The following KDM4C variants were observed in gnomAD, a reference collection of about 807,000 sequenced individuals.
KDM4C encodes lysine-specific demethylase 4C.
A neutral mutation model predicts 129.3 loss-of-function variants in KDM4C; 81 were observed. The observed-to-expected ratio is 0.63, with a 90% CI of 0.52 to 0.75. The LOEUF (loss-of-function observed/expected upper bound fraction) is 0.75. Ranked by LOEUF, KDM4C falls within the 30% of genes least tolerant of loss-of-function variation. KDM4C has a pLI of 0.00. For missense variants in KDM4C, 1,457 were observed against 1,304.0 expected (o/e 1.12, Z -1.81); for synonymous variants, 573 against 456.1 (o/e 1.26, Z -3.26).
intron 1 of KDM4C, among the ~76,000 whole-genome samples, chr9:6,748,480 C>G (rs542443560): frequency 2.0e-5 from 3 of 150,608 alleles, no homozygotes. Flanking sequence ...GCACTCCAGC[C>G]TGGGCAACAA....
At chr9:6,917,698 T>G (rs990711055) in intron 8 of KDM4C, among the ~76,000 whole-genome samples, 4 of 152,190 alleles carry the variant, frequency 2.6e-5, no homozygotes, top group Non-Finnish European at 5.9e-5. Context: ...CCATCCTCAT[T>G]CTTTGCTGAT....
At chr9:6,908,760 G>C (rs1214365772) in intron 8 of KDM4C, among the ~76,000 whole-genome samples, 1 of 152,120 alleles carries the variant, frequency 6.6e-6, no homozygotes. Context: ...GTCTGCCTGG[G>C]TTTGAATCCT....
Position 6,855,223 on chromosome 9 carries a change from G to A in KDM4C, c.629+5523G>A, listed in dbSNP as rs1287936625. On this transcript the variant is annotated intron_variant, in intron 5 of 21. Coordinates refer to ENST00000381309, the MANE Select transcript of KDM4C (RefSeq NM_015061.6). ...TGCCTGTAATCCCAGCACTTTGGGAGGCTGAGGCGGGCAGATCACGAGGTC... is the reference window on the plus strand; with the variant it reads ...TGCCTGTAATCCCAGCACTTTGGGAAGCTGAGGCGGGCAGATCACGAGGTC... Among the ~76,000 whole-genome samples, 4 of 152,144 alleles carry A rather than the reference G, an allele frequency of 2.6e-5. No individual in the cohort carries two copies. In the East Asian group the frequency reaches 5.8e-4, roughly 22 times the overall value.
chr9:7,011,774 G>T lies in KDM4C; in HGVS notation c.1863G>T (p.Trp621Cys). 1.2e-6 allele frequency: 2 copies of T among 1,614,100 alleles called. No individual in the cohort carries two copies. Among genetic ancestry groups the T allele is most frequent in the Non-Finnish European group, 1.7e-6 (2 of 1,179,986 alleles). Residue 621 changes from tryptophan (W) to cysteine (C), a missense_variant, in exon 13 of 22, where the codon TGG becomes TGT. Transcript: ENST00000381309. ...ESWAKPLIHLWQTKSPNFAAE... is the reference protein window; with the variant it reads ...ESWAKPLIHLCQTKSPNFAAE... Reference sequence around the variant, plus strand: ...GGGCGAAACCTCTCATCCACCTTTGGCAGACGAAGTCCCCTAACTTCGCAG... The same window carrying T: ...GGGCGAAACCTCTCATCCACCTTTGTCAGACGAAGTCCCCTAACTTCGCAG...
At chr9:6,914,091 C>T (rs569754090) in intron 8 of KDM4C, among the ~76,000 whole-genome samples, 3 of 152,198 alleles carry the variant, frequency 2.0e-5, no homozygotes, top group Admixed American at 1.3e-4. Context: ...CGGAGTTTTG[C>T]GCTTATTGTC....
chr9:6,808,573 C>A (rs1166724271), intron 3 of KDM4C, among the ~76,000 whole-genome samples: 1 of 148,572 alleles, frequency 6.7e-6, no homozygotes, highest in Non-Finnish European at 1.5e-5. Flanking sequence ...CCTCAGGGTC[C>A]TCTGCCTAGG....
intron 4 of KDM4C, among the ~76,000 whole-genome samples, chr9:6,840,367 C>G (rs1347398583): frequency 6.6e-6 from 1 of 151,770 alleles, no homozygotes; most frequent in African/African-American, 2.4e-5. Context: ...GCCACTGAAC[C>G]TGGCCTTTGT....
At chr9:7,110,555 G>A (rs1411924032) in intron 18 of KDM4C, among the ~76,000 whole-genome samples, 3 of 152,104 alleles carry the variant, frequency 2.0e-5, no homozygotes, top group Non-Finnish European at 2.9e-5. Context: ...GTGGGAATGA[G>A]GTATGGGTTG....
At chr9:7,091,298 C>T (rs1023298850) in intron 17 of KDM4C, among the ~76,000 whole-genome samples, 1 of 146,250 alleles carries the variant, frequency 6.8e-6, no homozygotes, top group Non-Finnish European at 1.5e-5. Context: ...TTTTGGCAAA[C>T]TGGATAAACA....
At position 7,174,913 on chromosome 9, in the gene KDM4C, C is replaced by T; in HGVS notation, c.*184C>T. On this transcript the variant is annotated 3_prime_UTR_variant, in exon 22 of 22. Coordinates refer to ENST00000381309, the MANE Select transcript of KDM4C (RefSeq NM_015061.6). ...CAAAATACACCCAATGAATTGGACG[C>T]AGCAATCTGAAATCATCTCTAGTCT... The T allele has an allele frequency of 5.9e-6, 3 of 510,782 alleles. No homozygotes were observed. The South Asian group carries it at 1.1e-4, about 18-fold the overall frequency. The allele number at this position is 510,782 out of a possible 1,614,324, so 31.6% of individuals were successfully genotyped here.
At chr9:7,086,649 G>C (rs1835148887) in intron 17 of KDM4C, among the ~76,000 whole-genome samples, 3 of 152,110 alleles carry the variant, frequency 2.0e-5, no homozygotes, top group Non-Finnish European at 4.4e-5. Context: ...TCTGGCCTTT[G>C]ATTTTCTCCT....
chr9:6,732,412 G>A lies in KDM4C; in HGVS notation c.49+11415G>A, dbSNP rs550715277. Among the ~76,000 whole-genome samples the A allele has an allele frequency of 1.9e-3, 261 of 137,806 alleles. 2 individuals carry two copies. Among genetic ancestry groups the A allele is most frequent in the African/African-American group, 6.7e-3 (249 of 37,004 alleles). 90.4% of individuals were successfully genotyped at this position (137,806 alleles called of 152,430 possible). On this transcript the variant is annotated intron_variant, in intron 1 of 17. Transcript: ENST00000536108. The stretch of plus-strand genomic sequence containing the variant: ...AAAAAAAAAAAAAAAGAATGAGGCC[G>A]GAAGTTGTGGCTCACACACCTGTAT...
chr9:6,740,194 TTTTTGTTTTG>T (rs564850337), intron 1 of KDM4C, among the ~76,000 whole-genome samples: 2 of 148,952 alleles, frequency 1.3e-5, no homozygotes, highest in Admixed American at 6.7e-5. Context: ...CCAGCCTAAT[TTTTTGTTTTG>T]TTTTGTTTTG....
chr9:6,880,143 T>A (rs187134080), intron 6 of KDM4C, 82 bp downstream of exon 6: 4 of 809,302 alleles, frequency 4.9e-6, no homozygotes, highest in Non-Finnish European at 8.2e-6. Flanking sequence ...AGGTACTTTT[T>A]ACAATATAGA....
chr9:6,751,326 G>C (rs140295587), intron 1 of KDM4C, among the ~76,000 whole-genome samples: 5 of 152,222 alleles, frequency 3.3e-5, no homozygotes, highest in South Asian at 4.2e-4. Flanking sequence ...CACACCTGTA[G>C]TACCATCTAC....
chr9:7,097,515 G>A (rs1836580172), intron 17 of KDM4C, among the ~76,000 whole-genome samples: 1 of 152,212 alleles, frequency 6.6e-6, no homozygotes, highest in South Asian at 2.1e-4. Flanking sequence ...AGTCATCAAA[G>A]TAGAGTCATA....
chr9:6,848,234 A>G (rs1838202752), intron 4 of KDM4C, among the ~76,000 whole-genome samples: 1 of 152,186 alleles, frequency 6.6e-6, no homozygotes, highest in South Asian at 2.1e-4. Context: ...AAAAGGTTGG[A>G]ATGGCTTTAA....
chr9:7,102,171 A>C (rs1347327548), intron 17 of KDM4C, among the ~76,000 whole-genome samples: 1 of 152,148 alleles, frequency 6.6e-6, no homozygotes, highest in Non-Finnish European at 1.5e-5. Flanking sequence ...AAAATGCTTA[A>C]TTGTACATTG....
intron 12 of KDM4C, among the ~76,000 whole-genome samples, chr9:7,000,548 G>A (rs1319871199): frequency 1.3e-5 from 2 of 152,066 alleles, no homozygotes; most frequent in African/African-American, 2.4e-5. Context: ...TTAAAGTCCT[G>A]TAGAAAACTA....
Sources: allele counts gnomAD v4.1 joint callset (sites outside exome capture counted in the v4.1 genomes callset), GRCh38; gene constraint gnomAD v4.1.1; transcripts MANE v1.5; gene names NCBI Gene and HGNC (gene_info 2026-07-23, HGNC 2026-07-21).